KIAA0930: variants seen among roughly 807,000 people sequenced by gnomAD.
KIAA0930 encodes KIAA0930, also known as uncharacterized protein KIAA0930.
In KIAA0930, 24 loss-of-function variants were observed where a neutral mutation model predicts 43.9. That is an observed-to-expected ratio of 0.55 (90% CI 0.40 to 0.77). The LOEUF (loss-of-function observed/expected upper bound fraction) is 0.77, where lower values mean the gene tolerates loss of function less well. Among genes scored for constraint, KIAA0930 ranks in the 30% least tolerant of loss-of-function variants. The pLI, the probability that KIAA0930 is intolerant of heterozygous loss-of-function variation, is 0.00. For synonymous variants in KIAA0930, 259 were observed against 216.4 expected (o/e 1.20, Z -1.73); for missense variants, 461 against 574.2 (o/e 0.80, Z 2.02).
chr22:45,197,183 A>T lies in KIAA0930; in HGVS notation c.1208T>A (p.Met403Lys). Residue 403 changes from methionine (M) to lysine (K), a missense_variant, in exon 10 of 10, where the codon ATG (methionine) becomes AAG (lysine). Met to Lys is a moderately conservative substitution (Grantham distance 95, BLOSUM62 -1). Transcript: ENST00000336156. ...ILEVRQKPILMT is the reference protein window; with the variant it reads ...ILEVRQKPILKT The stretch of plus-strand genomic sequence containing the variant: ...CGCAGGCTCCGCACGCGGCTAGGTC[A>T]TCAGGATGGGCTTCTGCCGAACTTC... 2 of 1,550,002 alleles carry T rather than the reference A, an allele frequency of 1.3e-6. No homozygotes were observed. Among genetic ancestry groups the T allele is most frequent in the Non-Finnish European group, 1.7e-6 (2 of 1,146,292 alleles).
At chr22:45,217,229 C>T (rs745751743) in intron 1 of KIAA0930, among the ~76,000 whole-genome samples, 5 of 151,868 alleles carry the variant, frequency 3.3e-5, no homozygotes, top group Non-Finnish European at 7.4e-5. Context: ...GGCATGGTGG[C>T]GGGCGCCTGT....
At position 45,205,796 on chromosome 22, in the gene KIAA0930, C is replaced by T. The variant is rs776680590; in HGVS notation, c.333G>A (p.Gln111=). 13 of 836,520 alleles carry T rather than the reference C, an allele frequency of 1.6e-5. No homozygotes were observed. The South Asian group carries it at 1.6e-4, about 10-fold the overall frequency. The allele number at this position is 836,520 out of a possible 1,614,324, so 51.8% of individuals were successfully genotyped here. A position where few individuals can be genotyped will look rare whatever the true frequency, so the allele number is the denominator to read the frequency against. ...CCCCACCCATCCCACCCCATACCTT[C>T]TGCAGGATGAGATTCAGGCAGACGC... ...EESVCLNLIL[Q]KLDYMVTCAV... The change falls in exon 3 of 10, where the codon CAG becomes CAA. Residue 111 remains glutamine (Q), a synonymous_variant. Transcript: ENST00000336156.
At chr22:45,233,620 G>C (rs893300024) in intron 1 of KIAA0930, among the ~76,000 whole-genome samples, 8 of 152,128 alleles carry the variant, frequency 5.3e-5, no homozygotes, top group Non-Finnish European at 1.5e-5. Context: ...TCACTAGGCT[G>C]ACTCACCAGG....
At position 45,192,574 on chromosome 22, in the gene KIAA0930, C is replaced by T. The variant is rs2083498587; in HGVS notation, c.*4602G>A. 1 of 152,180 alleles carries T rather than the reference C, an allele frequency of 6.6e-6. No individual in the cohort carries two copies. Among genetic ancestry groups the T allele is most frequent in the South Asian group, 2.1e-4 (1 of 4,834 alleles). 9.4% of individuals were successfully genotyped at this position (152,180 alleles called of 1,614,324 possible). A position where few individuals can be genotyped will look rare whatever the true frequency, so the allele number is the denominator to read the frequency against. ...ATTCATTTGGAAACCATAAAAGATA[C>T]CTATTTACACCTAAACTGCCTGGCC... On this transcript the variant is annotated 3_prime_UTR_variant, in exon 10 of 10. Transcript: ENST00000336156.
chr22:45,200,125 C>T, intron 7 of KIAA0930, 90 bp from the exon 8 acceptor site: 1 of 1,305,600 alleles, frequency 7.7e-7, no homozygotes, highest in Non-Finnish European at 1.0e-6. Context: ...CTCAAACAAC[C>T]TGACACAGCT....
chr22:45,203,029 A>G lies in KIAA0930; in HGVS notation c.813T>C (p.Thr271=), dbSNP rs201472032. ...VSTGDTSPCG[T]EEDSSPASPM... is the part of the protein sequence containing the mutation. ...GCGAAGCTGGGCTGGAGTCCTCTTC[A>G]GTCCCACAGGGGGATGTGTCACCTG... The change falls in exon 7 of 10, where the codon ACT becomes ACC. Residue 271 remains threonine, a synonymous_variant. Coordinates refer to ENST00000336156, the MANE Select transcript of KIAA0930 (RefSeq NM_001009880.2). 6.6e-5 allele frequency: 106 copies of G among 1,613,076 alleles called. No homozygotes were observed. The highest frequency in any genetic ancestry group is 8.4e-5 in the Non-Finnish European group (99 of 1,179,630).
rs563577317 is a variant in KIAA0930, at chr22:45,204,115, C to T, written c.517-130G>A. The T allele has an allele frequency of 2.1e-4, 256 of 1,198,708 alleles. 1 individual carries two copies. The highest frequency in any genetic ancestry group is 2.9e-4 in the Non-Finnish European group (249 of 849,472). 74.3% of individuals were successfully genotyped at this position (1,198,708 alleles called of 1,614,324 possible). On this transcript the variant is annotated intron_variant, in intron 5 of 9. Coordinates refer to ENST00000336156, the MANE Select transcript of KIAA0930 (RefSeq NM_001009880.2). Reference sequence around the variant, plus strand: ...GCAGGGGACAACCGGCTGTCACACACTCCTGTGGCCCCATGCCCTCCGAGC... The same window carrying T: ...GCAGGGGACAACCGGCTGTCACACATTCCTGTGGCCCCATGCCCTCCGAGC...
intron 1 of KIAA0930, among the ~76,000 whole-genome samples, chr22:45,218,629 T>G: frequency 6.6e-6 from 1 of 152,130 alleles, no homozygotes; most frequent in East Asian, 1.9e-4. Context: ...AGATGGTGTG[T>G]GCAGGAGCTG....
chr22:45,211,790 T>C (rs952094061), intron 2 of KIAA0930, among the ~76,000 whole-genome samples, 166 bp downstream of exon 2: 1 of 152,068 alleles, frequency 6.6e-6, no homozygotes, highest in East Asian at 1.9e-4. Flanking sequence ...GATTTGCACA[T>C]GAGACTGTCT....
chr22:45,232,265 C>T (rs957870247), intron 1 of KIAA0930, among the ~76,000 whole-genome samples: 2 of 152,224 alleles, frequency 1.3e-5, no homozygotes, highest in African/African-American at 4.8e-5. Context: ...CCACACGCTT[C>T]ATAACATGTG....
chr22:45,223,081 C>T (rs929249170), intron 1 of KIAA0930, among the ~76,000 whole-genome samples: 1 of 152,224 alleles, frequency 6.6e-6, no homozygotes, highest in Non-Finnish European at 1.5e-5. Flanking sequence ...GGTCTCACTA[C>T]CTACCACCTA....
In KIAA0930 at chr22:45,197,024, C is replaced by A. The variant is rs1051380098; in HGVS notation, c.*152G>T. 1 of 613,382 alleles carries A rather than the reference C, an allele frequency of 1.6e-6. No homozygotes were observed. Among genetic ancestry groups the A allele is most frequent in the Non-Finnish European group, 2.8e-6 (1 of 360,830 alleles). 38.0% of individuals were successfully genotyped at this position (613,382 alleles called of 1,614,324 possible). A position where few individuals can be genotyped will look rare whatever the true frequency, so the allele number is the denominator to read the frequency against. ...CAGTTTGGGCTGGTGTTCGTGGAGT[C>A]GGCCCCGGCCCCGGGAGTCGAGTGG... On this transcript the variant is annotated 3_prime_UTR_variant, in exon 10 of 10. Transcript: ENST00000336156.
rs1036871860 is a variant in KIAA0930, at chr22:45,194,198, C to T, written c.*2978G>A. ...CAAGTGATTCTCCTTCCTCAGCCTT[C>T]CGAGTAGCTGGGATTACAGGTGCCT... On this transcript the variant is annotated 3_prime_UTR_variant, in exon 10 of 10. Transcript: ENST00000336156. The T allele has an allele frequency of 2.6e-5, 4 of 151,028 alleles. No individual in the cohort carries two copies. In the South Asian group the frequency reaches 8.4e-4, roughly 32 times the overall value. 9.4% of individuals were successfully genotyped at this position (151,028 alleles called of 1,614,324 possible). A position where few individuals can be genotyped will look rare whatever the true frequency, so the allele number is the denominator to read the frequency against.
intron 7 of KIAA0930, among the ~76,000 whole-genome samples, chr22:45,202,023 CCT>C (rs1276129115): frequency 6.6e-6 from 1 of 152,214 alleles, no homozygotes; most frequent in African/African-American, 2.4e-5. Flanking sequence ...ATCCTCGTGC[CCT>C]GTTTCTAGAT....
In KIAA0930 at chr22:45,197,016, C is replaced by T. The variant is rs1170576510; in HGVS notation, c.*160G>A. ...AGGCACTTCAGTTTGGGCTGGTGTT[C>T]GTGGAGTCGGCCCCGGCCCCGGGAG... On this transcript the variant is annotated 3_prime_UTR_variant, in exon 10 of 10. Transcript: ENST00000336156. 18 of 592,720 alleles carry T rather than the reference C, an allele frequency of 3.0e-5. No homozygotes were observed. Among genetic ancestry groups the T allele is most frequent in the South Asian group, 2.9e-4 (13 of 45,354 alleles). 36.7% of individuals were successfully genotyped at this position (592,720 alleles called of 1,614,324 possible).
chr22:45,237,347 G>A (rs1486571825), intron 1 of KIAA0930, among the ~76,000 whole-genome samples: 2 of 152,188 alleles, frequency 1.3e-5, no homozygotes, highest in African/African-American at 4.8e-5. Context: ...GCAGGGATCA[G>A]GGCCCAACAC....
chr22:45,203,427 G>C (rs1405847410), intron 6 of KIAA0930, among the ~76,000 whole-genome samples: 1 of 152,158 alleles, frequency 6.6e-6, no homozygotes, highest in African/African-American at 2.4e-5. Context: ...CCCCAGGCTG[G>C]CAGCAAGGCT....
Position 45,209,153 on chromosome 22 carries a change from G to A in KIAA0930, c.216+2803C>T, listed in dbSNP as rs563312866. ...GACACTGCAGCTCCTGCCCATCCAC[G>A]CTCCCCTGCTAGGTGCAGGAGGCCC... On this transcript the variant is annotated intron_variant, in intron 2 of 9. Transcript: ENST00000336156. Among the ~76,000 whole-genome samples, 712 of 152,292 alleles carry A rather than the reference G, an allele frequency of 4.7e-3. 4 individuals carry two copies. Among genetic ancestry groups the A allele is most frequent in the African/African-American group, 0.015 (617 of 41,570 alleles).
chr22:45,203,286 CGG>C, intron 6 of KIAA0930, 102 bp from the exon 7 acceptor site: 2 of 1,222,558 alleles, frequency 1.6e-6, no homozygotes, highest in Non-Finnish European at 1.1e-6. Context: ...CCTCAAGGAG[CGG>C]GGGCTGCCCG....
Sources: allele counts gnomAD v4.1 joint callset (sites outside exome capture counted in the v4.1 genomes callset), GRCh38; gene constraint gnomAD v4.1.1; transcripts MANE v1.5; gene names NCBI Gene and HGNC (gene_info 2026-07-23, HGNC 2026-07-21).